The following KYNU variants were observed in gnomAD, a reference collection of about 807,000 sequenced individuals.
KYNU encodes L-kynurenine hydrolase.
A neutral mutation model predicts 59.2 loss-of-function variants in KYNU; 54 were observed. That is an observed-to-expected ratio of 0.91 (90% CI 0.73 to 1.14). KYNU has a LOEUF of 1.14. Among genes scored for constraint, KYNU ranks in the 50% most tolerant of loss-of-function variants. The pLI is 0.00. For synonymous variants in KYNU, 177 were observed against 192.0 expected, an observed-to-expected ratio of 0.92 and a Z score of 0.65; for missense variants, 567 against 554.4, an observed-to-expected ratio of 1.02 and a Z score of -0.23.
At chr2:143,002,201 A>G (rs1444470455) in intron 10 of KYNU, among the ~76,000 whole-genome samples, 1 of 152,248 alleles carries the variant, frequency 6.6e-6, no homozygotes, top group East Asian at 1.9e-4. Context: ...AAGAGATATT[A>G]GCATGAAATA....
intron 10 of KYNU, among the ~76,000 whole-genome samples, chr2:143,028,177 T>C (rs186358206): frequency 8.6e-5 from 13 of 151,542 alleles, no homozygotes; most frequent in African/African-American, 2.9e-4. Flanking sequence ...TTTCATGTAA[T>C]ATATACACAC....
intron 12 of KYNU, among the ~76,000 whole-genome samples, chr2:143,035,862 T>C (rs1005366152): frequency 6.6e-6 from 1 of 152,196 alleles, no homozygotes; most frequent in African/African-American, 2.4e-5. Flanking sequence ...AACCTCTGCC[T>C]CCTGGACTCA....
At chr2:142,879,461 A>C (rs1191484961) in intron 1 of KYNU, 4 of 152,252 alleles carry the variant, frequency 2.6e-5, no homozygotes, top group African/African-American at 4.8e-5. Flanking sequence ...GGTCCTTTGC[A>C]GCTTAAGTGT....
intron 10 of KYNU, among the ~76,000 whole-genome samples, chr2:142,986,279 G>T (rs568760324): frequency 6.6e-6 from 1 of 151,768 alleles, no homozygotes; most frequent in African/African-American, 2.4e-5. Context: ...CATGTAAAGC[G>T]GATGGTTTAA....
At chr2:143,012,624 G>A (rs545694462) in intron 10 of KYNU, among the ~76,000 whole-genome samples, 15 of 152,102 alleles carry the variant, frequency 9.9e-5, no homozygotes, top group African/African-American at 3.1e-4. Context: ...ATGATGTATG[G>A]GATACATAGA....
Position 142,960,694 on chromosome 2 carries a change from T to C in KYNU, c.653T>C (p.Ile218Thr), listed in dbSNP as rs1389033485. ...IEKEGDSIAV[I>T]LFSGVHFYTG... Reference sequence around the variant, plus strand: ...AAGGAAGGAGACTCAATTGCAGTGATCCTGTTCAGTGGGGTGCATTTTTAC... The same window carrying C: ...AAGGAAGGAGACTCAATTGCAGTGACCCTGTTCAGTGGGGTGCATTTTTAC... Residue 218 changes from isoleucine (I) to threonine (T), a missense_variant, in exon 8 of 14, where the codon ATC becomes ACC. Physicochemically the swap from Ile to Thr is moderately conservative, Grantham distance 89. Transcript: ENST00000264170. The C allele has an allele frequency of 6.2e-7, 1 of 1,613,792 alleles. No homozygotes were observed. Among genetic ancestry groups the C allele is most frequent in the Non-Finnish European group, 8.5e-7 (1 of 1,179,746 alleles).
chr2:143,021,759 C>G (rs975796805), intron 10 of KYNU, among the ~76,000 whole-genome samples: 9 of 152,018 alleles, frequency 5.9e-5, no homozygotes, highest in African/African-American at 1.9e-4. Context: ...TCCACCAGGC[C>G]CCACCTTCGA....
chr2:143,013,300 G>C lies in KYNU; in HGVS notation c.903-16327G>C, dbSNP rs199599250. Reference sequence around the variant, plus strand: ...TCTCTGTTTCTCTGTCTCTTTCTCTGTGTGTGTGTGTGTGTGTGTCCATCA... The same window carrying C: ...TCTCTGTTTCTCTGTCTCTTTCTCTCTGTGTGTGTGTGTGTGTGTCCATCA... On this transcript the variant is annotated intron_variant, in intron 10 of 13. Coordinates refer to ENST00000264170, the MANE Select transcript of KYNU (RefSeq NM_003937.3). Among the ~76,000 whole-genome samples, 179 of 138,752 alleles carry C rather than the reference G, an allele frequency of 1.3e-3. 2 individuals are homozygous for C. Among genetic ancestry groups the C allele is most frequent in the African/African-American group, 4.8e-3 (167 of 34,612 alleles). 91.0% of individuals were successfully genotyped at this position (138,752 alleles called of 152,430 possible).
At chr2:143,029,759 T>C in intron 11 of KYNU, 80 bp downstream of exon 11, 2 of 849,668 alleles carry the variant, frequency 2.4e-6, no homozygotes, top group Non-Finnish European at 2.0e-6. Flanking sequence ...TTATGTGTAA[T>C]GTATATGCCC....
intron 13 of KYNU, among the ~76,000 whole-genome samples, chr2:143,040,914 A>G (rs184255537): frequency 1.3e-5 from 2 of 152,098 alleles, no homozygotes; most frequent in African/African-American, 4.8e-5. Context: ...TTCTTTTCAT[A>G]ACAGTTTGGG....
At position 143,025,156 on chromosome 2, in the gene KYNU, C is replaced by T. The variant is rs186408510; in HGVS notation, c.903-4471C>T. Among the ~76,000 whole-genome samples, 47 of 152,076 alleles carry T rather than the reference C, an allele frequency of 3.1e-4. No individual in the cohort carries two copies. In the East Asian group the frequency reaches 7.2e-3, roughly 23 times the overall value. On this transcript the variant is annotated intron_variant, in intron 10 of 13. Coordinates refer to ENST00000264170, the MANE Select transcript of KYNU (RefSeq NM_003937.3). Reference sequence around the variant, plus strand: ...ACATTTTTACTTGGCTTTTTCCAAACGCATGGAATATTATTTCATTAAGCT... The same window carrying T: ...ACATTTTTACTTGGCTTTTTCCAAATGCATGGAATATTATTTCATTAAGCT...
At chr2:143,038,639 G>T (rs1686954901) in intron 12 of KYNU, among the ~76,000 whole-genome samples, 1 of 152,130 alleles carries the variant, frequency 6.6e-6, no homozygotes, top group African/African-American at 2.4e-5. Flanking sequence ...TGAAGAGAGA[G>T]ACAGGCACCA....
chr2:142,890,172 GA>G (rs1223364940), intron 2 of KYNU, among the ~76,000 whole-genome samples: 2 of 150,700 alleles, frequency 1.3e-5, no homozygotes, highest in Non-Finnish European at 3.0e-5. Context: ...AAGAAGGGAG[GA>G]AAAAAGGAAG....
At chr2:142,881,318 A>G (rs998858333) in intron 1 of KYNU, 7 of 152,198 alleles carry the variant, frequency 4.6e-5, no homozygotes, top group African/African-American at 1.7e-4. Context: ...AAAACATGCA[A>G]TGGTGAACCT....
intron 4 of KYNU, among the ~76,000 whole-genome samples, chr2:142,929,120 A>G (rs1683132078): frequency 6.6e-6 from 1 of 151,820 alleles, no homozygotes; most frequent in Non-Finnish European, 1.5e-5. Flanking sequence ...ACATAAGTAA[A>G]ATACAAAGAA....
At chr2:142,971,032 A>G (rs1032905745) in intron 8 of KYNU, 2 of 152,134 alleles carry the variant, frequency 1.3e-5, no homozygotes, top group African/African-American at 4.8e-5. Context: ...CCCTCATTGT[A>G]TTAGCAAACA....
At chr2:143,028,937 G>C (rs764481022) in intron 10 of KYNU, among the ~76,000 whole-genome samples, 1 of 152,104 alleles carries the variant, frequency 6.6e-6, no homozygotes, top group Non-Finnish European at 1.5e-5. Context: ...TTCAACAATT[G>C]TATGGGCTTT....
intron 11 of KYNU, among the ~76,000 whole-genome samples, chr2:143,032,251 C>T (rs1045600771): frequency 2.6e-5 from 4 of 151,380 alleles, no homozygotes; most frequent in African/African-American, 9.7e-5. Context: ...GCATTCCAGC[C>T]TGGGCAACAG....
chr2:142,932,123 A>G (rs1683240804), intron 4 of KYNU, among the ~76,000 whole-genome samples: 1 of 152,196 alleles, frequency 6.6e-6, no homozygotes, highest in Admixed American at 6.5e-5. Context: ...AGTGGCAGAT[A>G]GAGCCAGACT....
Sources: allele counts gnomAD v4.1 joint callset (sites outside exome capture counted in the v4.1 genomes callset), GRCh38; gene constraint gnomAD v4.1.1; transcripts MANE v1.5; gene names NCBI Gene and HGNC (gene_info 2026-07-23, HGNC 2026-07-21).